Variants in PRMT3 observed in about 807,000 individuals in gnomAD.
PRMT3 encodes the protein protein arginine N-methyltransferase 3.
In PRMT3, 62 loss-of-function variants were observed where a neutral mutation model predicts 71.9. The ratio of observed to expected loss-of-function variants is 0.86; its 90% CI spans 0.70 to 1.07. PRMT3 has a LOEUF of 1.07. PRMT3 is among the 50% of genes least tolerant of loss of function. The pLI is 0.00. For synonymous variants in PRMT3, 213 were observed against 220.4 expected, an observed-to-expected ratio of 0.97 and a Z score of 0.30; for missense variants, 663 against 643.0, an observed-to-expected ratio of 1.03 and a Z score of -0.34.
intron 13 of PRMT3, among the ~76,000 whole-genome samples, chr11:20,481,378 T>C (rs1364179651): frequency 6.6e-6 from 1 of 152,094 alleles, no homozygotes; most frequent in East Asian, 1.9e-4. Context: ...ACACATCTGC[T>C]GTTTCTTTAG....
chr11:20,440,297 A>G (rs1849856396), intron 10 of PRMT3, among the ~76,000 whole-genome samples: 2 of 152,128 alleles, frequency 1.3e-5, no homozygotes. Context: ...TCAAGACTGC[A>G]TGAGCTATGA....
intron 10 of PRMT3, among the ~76,000 whole-genome samples, chr11:20,435,951 G>A (rs1483981658): frequency 2.0e-5 from 3 of 152,186 alleles, no homozygotes; most frequent in Admixed American, 6.5e-5. Flanking sequence ...CAATTCATAA[G>A]CATGGGATCA....
intron 9 of PRMT3, among the ~76,000 whole-genome samples, chr11:20,419,252 A>G (rs1199979426): frequency 3.3e-5 from 5 of 152,210 alleles, no homozygotes; most frequent in Non-Finnish European, 7.3e-5. Flanking sequence ...TTTGATTGCT[A>G]ATGAAACTGA....
chr11:20,407,180 T>C (rs1454934311), intron 8 of PRMT3: 1 of 152,206 alleles, frequency 6.6e-6, no homozygotes, highest in Non-Finnish European at 1.5e-5. Context: ...CAAAGCACTT[T>C]CAGCAAACTT....
At chr11:20,473,277 G>C (rs1208548137) in intron 13 of PRMT3, among the ~76,000 whole-genome samples, 1 of 151,758 alleles carries the variant, frequency 6.6e-6, no homozygotes, top group Non-Finnish European at 1.5e-5. Flanking sequence ...GCTAGGTTTG[G>C]GGTTTGTTTG....
intron 10 of PRMT3, among the ~76,000 whole-genome samples, chr11:20,427,662 G>A (rs1849575941): frequency 6.6e-6 from 1 of 152,014 alleles, no homozygotes; most frequent in Admixed American, 6.6e-5. Context: ...GAGGTTGGAG[G>A]TTGCAGTGAG....
chr11:20,485,917 T>C (rs919341500), intron 13 of PRMT3, among the ~76,000 whole-genome samples: 1 of 152,236 alleles, frequency 6.6e-6, no homozygotes, highest in African/African-American at 2.4e-5. Flanking sequence ...CAAATGTTTA[T>C]AGCAGCATTA....
chr11:20,419,629 C>CA (rs751892713), intron 9 of PRMT3, among the ~76,000 whole-genome samples: 2 of 152,080 alleles, frequency 1.3e-5, no homozygotes, highest in Non-Finnish European at 2.9e-5. Flanking sequence ...TACACTTAGG[C>CA]ATTGATTTTT....
rs564299394 is a variant in PRMT3, at chr11:20,432,275, A to T, written c.993+5410A>T. ...TGTTAATTTTTATTTTAAACTCTAA[A>T]ATTGTATAACAACTTAAAAATATTT... On this transcript the variant is annotated intron_variant, in intron 10 of 15. Coordinates refer to ENST00000331079, the MANE Select transcript of PRMT3 (RefSeq NM_005788.4). 3.9e-5 allele frequency among the ~76,000 whole-genome samples: 6 copies of T among 152,230 alleles called. No homozygotes were observed. The East Asian group carries it at 1.2e-3, about 29-fold the overall frequency.
rs1332372470 is a variant in PRMT3, at chr11:20,504,707, T to TGTGAGAGA, written c.1487-3596_1487-3595insTGAGAGAG. On this transcript the variant is annotated intron_variant, in intron 15 of 15. Coordinates refer to ENST00000331079, the MANE Select transcript of PRMT3 (RefSeq NM_005788.4). ...TATTGTATGTGTGTGTGTGTGTGTG[T>TGTGAGAGA]GAGAGAGAGAGAGAGAGAGAGAGAG... is the stretch of plus-strand genomic sequence containing the variant. Among the ~76,000 whole-genome samples, 471 of 133,628 alleles carry TGTGAGAGA rather than the reference T, an allele frequency of 3.5e-3. 2 individuals carry two copies. Among genetic ancestry groups the TGTGAGAGA allele is most frequent in the Middle Eastern group, 0.031 (8 of 260 alleles). 87.7% of individuals were successfully genotyped at this position (133,628 alleles called of 152,430 possible). A position where few individuals can be genotyped will look rare whatever the true frequency, so the allele number is the denominator to read the frequency against.
chr11:20,454,928 A>G (rs1333587998), intron 11 of PRMT3, among the ~76,000 whole-genome samples: 1 of 152,118 alleles, frequency 6.6e-6, no homozygotes, highest in Admixed American at 6.5e-5. Flanking sequence ...CCCATTATCA[A>G]TCAAGCAATT....
chr11:20,462,365 A>C lies in PRMT3; in HGVS notation c.1260+198A>C, dbSNP rs537490398. ...CTTTAGAATCACTTCTCTGTATATT[A>C]AAACTCCTTACACTCAGTTTTACAG... On this transcript the variant is annotated intron_variant, in intron 12 of 15. Coordinates refer to ENST00000331079, the MANE Select transcript of PRMT3 (RefSeq NM_005788.4). Among the ~76,000 whole-genome samples the C allele has an allele frequency of 1.5e-3, 232 of 152,240 alleles. 1 individual carries two copies. The highest frequency in any genetic ancestry group is 5.4e-3 in the African/African-American group (223 of 41,536).
intron 11 of PRMT3, among the ~76,000 whole-genome samples, chr11:20,453,420 C>T (rs546090455): frequency 6.7e-6 from 1 of 148,632 alleles, no homozygotes; most frequent in African/African-American, 2.5e-5. Context: ...GCAGAGGTTG[C>T]AGTGAGAGGA....
intron 10 of PRMT3, among the ~76,000 whole-genome samples, chr11:20,441,080 A>G (rs1306620259): frequency 6.6e-6 from 1 of 152,038 alleles, no homozygotes; most frequent in African/African-American, 2.4e-5. Context: ...GATATATTGT[A>G]ATAATACACA....
At chr11:20,440,992 C>G (rs1299201743) in intron 10 of PRMT3, among the ~76,000 whole-genome samples, 2 of 43,126 alleles carry the variant, frequency 4.6e-5, no homozygotes, top group Non-Finnish European at 2.8e-4. Context: ...AGTTTCACCT[C>G]TCCCTTTTTT....
chr11:20,465,232 T>A (rs886569785), intron 13 of PRMT3, among the ~76,000 whole-genome samples: 4 of 152,008 alleles, frequency 2.6e-5, no homozygotes, highest in Admixed American at 6.6e-5. Flanking sequence ...ATATAAAAAA[T>A]TTTTCATCTC....
intron 9 of PRMT3, among the ~76,000 whole-genome samples, chr11:20,417,321 AATGAATAGTAT>A: frequency 6.6e-6 from 1 of 152,332 alleles, no homozygotes; most frequent in South Asian, 2.1e-4. Flanking sequence ...ACTGAAAGTA[AATGAATAGTAT>A]ATATTGTATC....
chr11:20,480,785 T>C (rs1850912405), intron 13 of PRMT3, among the ~76,000 whole-genome samples: 1 of 152,146 alleles, frequency 6.6e-6, no homozygotes, highest in Non-Finnish European at 1.5e-5. Flanking sequence ...CTCCCATTGC[T>C]CTCAGTATCA....
intron 15 of PRMT3, among the ~76,000 whole-genome samples, chr11:20,502,816 A>C (rs1010741350): frequency 6.6e-5 from 10 of 152,172 alleles, no homozygotes; most frequent in African/African-American, 2.2e-4. Context: ...TGAAATATTT[A>C]CTAGCAATAC....
Sources: allele counts gnomAD v4.1 joint callset (sites outside exome capture counted in the v4.1 genomes callset), GRCh38; gene constraint gnomAD v4.1.1; transcripts MANE v1.5; gene names NCBI Gene and HGNC (gene_info 2026-07-23, HGNC 2026-07-21).